SYCP1: variants seen among roughly 807,000 people sequenced by gnomAD.
The protein encoded by SYCP1 is synaptonemal complex protein 1, also known as cancer/testis antigen 8.
SYCP1 carries 64 observed loss-of-function variants against 153.1 expected under a neutral mutation model. The ratio of observed to expected loss-of-function variants is 0.42; its 90% CI spans 0.34 to 0.51. SYCP1 has a LOEUF of 0.51. SYCP1 is among the 20% of genes least tolerant of loss of function. The pLI, the probability that SYCP1 is intolerant of heterozygous loss-of-function variation, is 0.06. For missense variants in SYCP1, 997 were observed against 1,049.0 expected, an observed-to-expected ratio of 0.95 and a Z score of 0.68; for synonymous variants, 384 against 341.8, an observed-to-expected ratio of 1.12 and a Z score of -1.36.
intron 23 of SYCP1, among the ~76,000 whole-genome samples, chr1:114,934,734 CA>C (rs1039902093): frequency 3.3e-5 from 5 of 151,238 alleles, no homozygotes; most frequent in African/African-American, 9.7e-5. Context: ...AAATGGAAAA[CA>C]AAAAAAAGCA....
chr1:114,876,625 A>G (rs991159704), intron 10 of SYCP1, 112 bp from the exon 11 acceptor site: 3 of 477,272 alleles, frequency 6.3e-6, no homozygotes, highest in African/African-American at 6.1e-5. Flanking sequence ...TTTAGAGTTT[A>G]ATATAATTTA....
intron 27 of SYCP1, among the ~76,000 whole-genome samples, chr1:114,950,396 T>A (rs757633469): frequency 4.6e-5 from 7 of 152,204 alleles, no homozygotes; most frequent in Non-Finnish European, 8.8e-5. Flanking sequence ...ATATAAGGAT[T>A]TATTGTATAC....
intron 8 of SYCP1, among the ~76,000 whole-genome samples, chr1:114,870,751 A>AT (rs1253840176): frequency 1.3e-5 from 2 of 152,198 alleles, no homozygotes; most frequent in Non-Finnish European, 1.5e-5. Flanking sequence ...TCTAGATGTG[A>AT]TTTTACATTT....
intron 8 of SYCP1, among the ~76,000 whole-genome samples, chr1:114,861,372 G>C (rs1664363920): frequency 6.6e-6 from 1 of 152,070 alleles, no homozygotes; most frequent in African/African-American, 2.4e-5. Flanking sequence ...TGAAAAATAA[G>C]TGTGTGATTA....
rs1367186200 is a variant in SYCP1, at chr1:114,858,471, A to G, written c.292-76A>G. The G allele has an allele frequency of 2.4e-5, 30 of 1,270,012 alleles. No individual in the cohort carries two copies. In the East Asian group the frequency reaches 6.9e-4, roughly 29 times the overall value. The allele number at this position is 1,270,012 out of a possible 1,614,324, so 78.7% of individuals were successfully genotyped here. On this transcript the variant is annotated intron_variant, in intron 5 of 31. Coordinates refer to ENST00000369522, the MANE Select transcript of SYCP1 (RefSeq NM_003176.4). ...TTTGGTCTCAACTATTAGTATATGGATATTTTCAGTAGGCAGCTGTAGTTT... is the reference window on the plus strand; with the variant it reads ...TTTGGTCTCAACTATTAGTATATGGGTATTTTCAGTAGGCAGCTGTAGTTT...
chr1:114,874,493 A>T lies in SYCP1; in HGVS notation c.599-13A>T. 1 of 1,481,738 alleles carries T rather than the reference A, an allele frequency of 6.7e-7. No homozygotes were observed. Among genetic ancestry groups the T allele is most frequent in the Non-Finnish European group, 9.2e-7 (1 of 1,082,486 alleles). The allele number at this position is 1,481,738 out of a possible 1,614,324, so 91.8% of individuals were successfully genotyped here. ...TTTAAAATTTAATCTTGAAATTTTT[A>T]TATTAACAATAGATGAATATGAACG... On this transcript the variant is annotated splice_polypyrimidine_tract_variant and intron_variant, in intron 8 of 31. Transcript: ENST00000369522.
chr1:114,934,284 C>A (rs1174353309), intron 23 of SYCP1, among the ~76,000 whole-genome samples: 1 of 152,102 alleles, frequency 6.6e-6, no homozygotes, highest in East Asian at 1.9e-4. Flanking sequence ...AATTTTCAAC[C>A]CAGAATTTCA....
rs572505765 is a variant in SYCP1 at position 114,963,411 on chromosome 1, C to T, written c.2323-14146C>T. 6.6e-5 allele frequency among the ~76,000 whole-genome samples: 10 copies of T among 152,184 alleles called. No individual in the cohort carries two copies. In the East Asian group the frequency reaches 1.5e-3, roughly 23 times the overall value. On this transcript the variant is annotated intron_variant, in intron 27 of 31. Coordinates refer to ENST00000369522, the MANE Select transcript of SYCP1 (RefSeq NM_003176.4). ...TTATTATACTTTAAATTCTGGGATA[C>T]GTGTGCAGAACATGCAAGTTTGTTA...
chr1:114,922,051 G>A (rs575519269), intron 20 of SYCP1, among the ~76,000 whole-genome samples: 9 of 152,196 alleles, frequency 5.9e-5, no homozygotes, highest in African/African-American at 2.2e-4. Flanking sequence ...CTGCTTTTGG[G>A]ATTCTTTCTT....
chr1:114,857,266 G>T lies in SYCP1; in HGVS notation c.228G>T (p.Val76=). Residue 76 remains valine, a synonymous_variant, in exon 4 of 32, where the codon GTG becomes GTT. Transcript: ENST00000369522. ...PALQKVNFLP[V]LEQVGNSDCH... is the part of the protein sequence containing the mutation. Reference sequence around the variant, plus strand: ...TACAAAAAGTTAATTTCTTGCCCGTGCTTGAGCAGGTCAGTTAAGCATAGT... The same window carrying T: ...TACAAAAAGTTAATTTCTTGCCCGTTCTTGAGCAGGTCAGTTAAGCATAGT... 6.2e-7 allele frequency: 1 copy of T among 1,602,942 alleles called. No homozygotes were observed. Among genetic ancestry groups the T allele is most frequent in the Non-Finnish European group, 8.5e-7 (1 of 1,174,414 alleles).
intron 29 of SYCP1, among the ~76,000 whole-genome samples, chr1:114,983,896 A>C (rs778367761): frequency 1.3e-5 from 2 of 151,890 alleles, no homozygotes; most frequent in Non-Finnish European, 2.9e-5. Context: ...TCTGACCTTA[A>C]CTTTTTAAAT....
chr1:114,872,015 T>C (rs1012399585), intron 8 of SYCP1, among the ~76,000 whole-genome samples: 6 of 150,332 alleles, frequency 4.0e-5, no homozygotes, highest in African/African-American at 1.5e-4. Flanking sequence ...TCTTTTTTTT[T>C]TTTTTTGGCA....
At chr1:114,992,413 A>G (rs1325685404) in intron 30 of SYCP1, among the ~76,000 whole-genome samples, 1 of 151,800 alleles carries the variant, frequency 6.6e-6, no homozygotes, top group Non-Finnish European at 1.5e-5. Context: ...AAAGCTAGTA[A>G]TTAAAACAGC....
chr1:114,885,253 T>C (rs1424031956), intron 12 of SYCP1, among the ~76,000 whole-genome samples: 2 of 152,156 alleles, frequency 1.3e-5, no homozygotes, highest in African/African-American at 4.8e-5. Flanking sequence ...TGTGCCTCCA[T>C]AATTTGTCTA....
rs1448086038 is a variant in SYCP1 at position 114,913,108 on chromosome 1, T to C, written c.1605T>C (p.Ser535=). The stretch of plus-strand genomic sequence containing the variant: ...ACAAAGAGCTCACACAGGAAACAAG[T>C]GATATGACCCTAGAACTCAAGAATC... ...LENKELTQET[S]DMTLELKNQQ... The change falls in exon 19 of 32, where the codon AGT becomes AGC. Residue 535 remains serine (S), a synonymous_variant. Coordinates refer to ENST00000369522, the MANE Select transcript of SYCP1 (RefSeq NM_003176.4). 1 of 1,612,280 alleles carries C rather than the reference T, an allele frequency of 6.2e-7. No homozygotes were observed. Among genetic ancestry groups the C allele is most frequent in the East Asian group, 2.2e-5 (1 of 44,750 alleles).
At chr1:114,968,654 C>T (rs1030047656) in intron 27 of SYCP1, among the ~76,000 whole-genome samples, 1 of 152,076 alleles carries the variant, frequency 6.6e-6, no homozygotes, top group East Asian at 1.9e-4. Flanking sequence ...TTGTTATTAC[C>T]TACCTTCTGA....
At chr1:114,861,751 T>G (rs1429629968) in intron 8 of SYCP1, among the ~76,000 whole-genome samples, 1 of 151,942 alleles carries the variant, frequency 6.6e-6, no homozygotes, top group Admixed American at 6.6e-5. Flanking sequence ...GGTATTTTAT[T>G]ATTATTATTG....
intron 12 of SYCP1, among the ~76,000 whole-genome samples, chr1:114,878,490 C>T (rs1665692401): frequency 6.6e-6 from 1 of 152,056 alleles, no homozygotes; most frequent in African/African-American, 2.4e-5. Context: ...GGAACTGTTG[C>T]ATTCCAAGTG....
intron 23 of SYCP1, among the ~76,000 whole-genome samples, chr1:114,928,969 G>A (rs1384625881): frequency 2.0e-5 from 3 of 152,176 alleles, no homozygotes; most frequent in Non-Finnish European, 4.4e-5. Flanking sequence ...GGCAGATTCA[G>A]TGTCTGGTGG....
Sources: allele counts gnomAD v4.1 joint callset (sites outside exome capture counted in the v4.1 genomes callset), GRCh38; gene constraint gnomAD v4.1.1; transcripts MANE v1.5; gene names NCBI Gene and HGNC (gene_info 2026-07-23, HGNC 2026-07-21).